Variants in PTH2R observed in about 807,000 individuals in gnomAD.
PTH2R encodes parathyroid hormone 2 receptor, also known as PTH2 receptor.
In PTH2R, 59 loss-of-function variants were observed where a neutral mutation model predicts 60.3. The ratio of observed to expected loss-of-function variants is 0.98; its 90% CI spans 0.79 to 1.22. The LOEUF (loss-of-function observed/expected upper bound fraction) is 1.22. Ranked by LOEUF, PTH2R falls within the 50% of genes most tolerant of loss-of-function variation. The pLI, the probability that PTH2R is intolerant of heterozygous loss-of-function variation, is 0.00. For missense variants in PTH2R, 749 were observed against 682.6 expected (o/e 1.10, Z -1.08); for synonymous variants, 256 against 243.8 (o/e 1.05, Z -0.47).
At chr2:208,440,110 T>C (rs1341336689) in intron 4 of PTH2R, among the ~76,000 whole-genome samples, 1 of 152,180 alleles carries the variant, frequency 6.6e-6, no homozygotes, top group Non-Finnish European at 1.5e-5. Flanking sequence ...CTTAAAATAA[T>C]AGGCAATGCT....
chr2:208,443,795 G>T (rs2105872204), intron 6 of PTH2R, among the ~76,000 whole-genome samples: 1 of 152,268 alleles, frequency 6.6e-6, no homozygotes, highest in African/African-American at 2.4e-5. Context: ...AGATTGGAAT[G>T]GTATTTGGCA....
intron 1 of PTH2R, among the ~76,000 whole-genome samples, chr2:208,416,413 G>A (rs765337843): frequency 1.8e-4 from 28 of 152,128 alleles, no homozygotes; most frequent in East Asian, 3.8e-4. Flanking sequence ...TCACCCTTAC[G>A]AACTTAATTA....
chr2:208,455,980 TGTA>T (rs1157272428), intron 8 of PTH2R, among the ~76,000 whole-genome samples: 2 of 152,230 alleles, frequency 1.3e-5, no homozygotes, highest in African/African-American at 4.8e-5. Flanking sequence ...GGCTCATGCC[TGTA>T]ATCCCAGTGC....
At chr2:208,470,937 G>A (rs576141642) in intron 9 of PTH2R, among the ~76,000 whole-genome samples, 1 of 152,264 alleles carries the variant, frequency 6.6e-6, no homozygotes, top group Non-Finnish European at 1.5e-5. Context: ...TAGAGGTGAG[G>A]AACTTTTTGG....
At chr2:208,435,229 A>G (rs2105862792) in intron 2 of PTH2R, among the ~76,000 whole-genome samples, 1 of 152,342 alleles carries the variant, frequency 6.6e-6, no homozygotes, top group South Asian at 2.1e-4. Flanking sequence ...TCCTCAGCAC[A>G]GTTAGTGTAA....
intron 1 of PTH2R, among the ~76,000 whole-genome samples, chr2:208,383,041 G>A (rs1473219004): frequency 6.6e-6 from 1 of 150,388 alleles, no homozygotes; most frequent in Admixed American, 6.7e-5. Flanking sequence ...CACTTTTTCT[G>A]TCTTAGTCGG....
chr2:208,465,388 C>CTTTTTTTTT lies in PTH2R; in HGVS notation c.981+5451_981+5459dup, dbSNP rs60871321. The stretch of plus-strand genomic sequence containing the variant: ...ACATACTTGTTGGCTATTTGTAAGT[C>CTTTTTTTTT]TTTTTTTTTTTTTTTTTTTTTTTTT... On this transcript the variant is annotated intron_variant, in intron 9 of 12. Transcript: ENST00000272847. Among the ~76,000 whole-genome samples, 30 of 39,940 alleles carry CTTTTTTTTT rather than the reference C, an allele frequency of 7.5e-4. 6 individuals are homozygous for CTTTTTTTTT. Among genetic ancestry groups the CTTTTTTTTT allele is most frequent in the African/African-American group, 1.1e-3 (10 of 8,742 alleles). The allele number at this position is 39,940 out of a possible 152,430, so 26.2% of individuals were successfully genotyped here.
At chr2:208,469,749 T>C (rs1574902417) in intron 9 of PTH2R, 1 of 152,252 alleles carries the variant, frequency 6.6e-6, no homozygotes, top group South Asian at 2.1e-4. Context: ...ACCTGTGTCA[T>C]CTTGATGTTG....
At chr2:208,467,631 T>C (rs1472922834) in intron 9 of PTH2R, among the ~76,000 whole-genome samples, 2 of 152,212 alleles carry the variant, frequency 1.3e-5, no homozygotes, top group Admixed American at 6.5e-5. Context: ...AGTAGCTTTA[T>C]TGGAGGAAAA....
intron 1 of PTH2R, among the ~76,000 whole-genome samples, chr2:208,371,240 T>G (rs1206032831): frequency 1.3e-5 from 2 of 152,100 alleles, no homozygotes; most frequent in African/African-American, 4.8e-5. Context: ...CTGAAAATAT[T>G]GGAACAAACA....
At chr2:208,430,753 G>T (rs1318972300) in intron 2 of PTH2R, among the ~76,000 whole-genome samples, 2 of 151,914 alleles carry the variant, frequency 1.3e-5, no homozygotes, top group Non-Finnish European at 2.9e-5. Context: ...TTTTAGTAGA[G>T]ACGGGGTTTC....
At chr2:208,362,862 G>GTGTGTA (rs1289838273) in intron 1 of PTH2R, among the ~76,000 whole-genome samples, 13 of 140,048 alleles carry the variant, frequency 9.3e-5, no homozygotes, top group African/African-American at 2.6e-4. Context: ...GTGTGTGTGT[G>GTGTGTA]TTTAATGGCT....
At chr2:208,464,835 A>C (rs1191467018) in intron 9 of PTH2R, among the ~76,000 whole-genome samples, 2 of 152,162 alleles carry the variant, frequency 1.3e-5, no homozygotes, top group Admixed American at 1.3e-4. Context: ...GCAACAAAAC[A>C]AAACCCCTTA....
At position 208,370,267 on chromosome 2, in the gene PTH2R, C is replaced by A. The variant is rs1002416932; in HGVS notation, c.-259+10030C>A. On this transcript the variant is annotated intron_variant, in intron 1 of 12. Coordinates refer to the PTH2R transcript ENST00000617735. The stretch of plus-strand genomic sequence containing the variant: ...GACCATCCTAGCTAACATGGTGAAA[C>A]CCTGTCTCTACTAAAAATACAAAAA... Among the ~76,000 whole-genome samples, 2 of 151,566 alleles carry A rather than the reference C, an allele frequency of 1.3e-5. 1 individual carries two copies. The highest frequency in any genetic ancestry group is 2.9e-5 in the Non-Finnish European group (2 of 67,942).
intron 9 of PTH2R, among the ~76,000 whole-genome samples, chr2:208,467,082 C>T (rs1404750926): frequency 6.6e-6 from 1 of 152,076 alleles, no homozygotes; most frequent in Non-Finnish European, 1.5e-5. Context: ...TGGCATCTGT[C>T]CCAGGGAAGA....
In PTH2R at chr2:208,412,187, T is replaced by C. The variant is rs1483771527; in HGVS notation, c.75+5069T>C. Among the ~76,000 whole-genome samples, 6 of 152,246 alleles carry C rather than the reference T, an allele frequency of 3.9e-5. No homozygotes were observed. The East Asian group carries it at 1.2e-3, about 29-fold the overall frequency. On this transcript the variant is annotated intron_variant, in intron 1 of 12. Transcript: ENST00000272847. ...TACATTTATTAATATAAGTACTTGA[T>C]CAATATCTAACTTCCTCATTGCTTT...
rs182363879 is a variant in PTH2R, at chr2:208,365,814, C to A, written c.-259+5577C>A. 5.7e-3 allele frequency among the ~76,000 whole-genome samples: 827 copies of A among 144,314 alleles called. 8 individuals carry two copies. The highest frequency in any genetic ancestry group is 0.021 in the African/African-American group (805 of 38,982). The allele number at this position is 144,314 out of a possible 152,430, so 94.7% of individuals were successfully genotyped here. On this transcript the variant is annotated intron_variant, in intron 1 of 12. Transcript: ENST00000617735. ...AGTGCAGCGGCACAATCATAGCTCA[C>A]TGCAGCCTCTAACTCCTGGGCTCAA...
intron 1 of PTH2R, among the ~76,000 whole-genome samples, chr2:208,386,901 G>T (rs1701013511): frequency 6.6e-6 from 1 of 152,188 alleles, no homozygotes; most frequent in Non-Finnish European, 1.5e-5. Context: ...ATCATTTGGG[G>T]TGGAGAAGAC....
intron 9 of PTH2R, among the ~76,000 whole-genome samples, chr2:208,479,677 A>C (rs963723937): frequency 6.6e-6 from 1 of 152,016 alleles, no homozygotes; most frequent in Non-Finnish European, 1.5e-5. Context: ...GAAATCCTCA[A>C]CTCTCATGTT....
Sources: gnomAD v4.1 joint callset for allele counts (sites outside exome capture counted in the v4.1 genomes callset) on GRCh38, gnomAD v4.1.1 for gene constraint, MANE v1.5 for transcripts, NCBI Gene and HGNC (gene_info 2026-07-23, HGNC 2026-07-21) for gene names.